The following SCN9A variants were observed in gnomAD, a reference collection of about 807,000 sequenced individuals.
The protein encoded by SCN9A is sodium channel protein type 9 subunit alpha.
SCN9A carries 131 observed loss-of-function variants against 187.0 expected under a neutral mutation model. The observed-to-expected ratio is 0.70, with a 90% CI of 0.61 to 0.81. SCN9A has a LOEUF of 0.81. Ranked by LOEUF, SCN9A falls within the 30% of genes least tolerant of loss-of-function variation. The pLI, the probability that SCN9A is intolerant of heterozygous loss-of-function variation, is 0.00. For missense variants in SCN9A, 2,252 were observed against 2,396.6 expected (o/e 0.94, Z 1.26); for synonymous variants, 809 against 808.6 (o/e 1.00, Z -0.01).
At chr2:166,351,140 A>G (rs531980410) in intron 1 of SCN9A, among the ~76,000 whole-genome samples, 1 of 152,282 alleles carries the variant, frequency 6.6e-6, no homozygotes, top group African/African-American at 2.4e-5. Flanking sequence ...CTTCCAAGGG[A>G]AGAATTTAAC....
At chr2:166,356,967 A>G (rs1249222566) in intron 1 of SCN9A, among the ~76,000 whole-genome samples, 1 of 151,782 alleles carries the variant, frequency 6.6e-6, no homozygotes, top group Non-Finnish European at 1.5e-5. Context: ...TCTTTTTGTA[A>G]CTTTTATTTT....
At chr2:166,321,130 G>C (rs978504307) in intron 1 of SCN9A, among the ~76,000 whole-genome samples, 2 of 152,094 alleles carry the variant, frequency 1.3e-5, no homozygotes, top group African/African-American at 4.8e-5. Flanking sequence ...TCAAAAAGTA[G>C]AAAAGTTTTT....
intron 1 of SCN9A, among the ~76,000 whole-genome samples, chr2:166,350,705 T>G (rs1700013746): frequency 6.6e-6 from 1 of 152,198 alleles, no homozygotes; most frequent in Admixed American, 6.5e-5. Context: ...ATTCCATGTT[T>G]GTAAACACAT....
chr2:166,252,439 A>G (rs1558984408), intron 17 of SCN9A, among the ~76,000 whole-genome samples: 1 of 151,946 alleles, frequency 6.6e-6, no homozygotes, highest in Non-Finnish European at 1.5e-5. Context: ...ATGTAGCAGG[A>G]TGATATAGAT....
Position 166,199,468 on chromosome 2 carries a change from C to G in SCN9A, c.5171G>C (p.Ser1724Thr), listed in dbSNP as rs200266625. The change falls in exon 27 of 27, where the codon AGT becomes ACT. Residue 1724 changes from serine to threonine, a missense_variant. Ser to Thr is a moderately conservative substitution (Grantham distance 58). This residue lies in a region of SCN9A where 345 missense variants were observed against 344.6 expected (regional missense o/e 1.00). Transcript: ENST00000642356. ...GTTACCACAGTCTCCTTCAACTGAACTTCCAGGATGAACTTTTTTTGGGTC... is the reference window on the plus strand; with the variant it reads ...GTTACCACAGTCTCCTTCAACTGAAGTTCCAGGATGAACTTTTTTTGGGTC... Reference protein sequence around the residue: ...DCDPKKVHPGSSVEGDCGNPS... With the variant: ...DCDPKKVHPGTSVEGDCGNPS... 3.1e-6 allele frequency: 5 copies of G among 1,614,068 alleles called. No individual in the cohort carries two copies. Among genetic ancestry groups the G allele is most frequent in the Non-Finnish European group, 4.2e-6 (5 of 1,180,042 alleles).
At chr2:166,204,775 G>C (rs1014177518) in intron 24 of SCN9A, 2 of 163,974 alleles carry the variant, frequency 1.2e-5, no homozygotes, top group African/African-American at 4.8e-5. Flanking sequence ...TCTGCTAGCT[G>C]TCTTACTGTG....
chr2:166,357,243 G>A (rs563015753), intron 1 of SCN9A, among the ~76,000 whole-genome samples: 3 of 152,172 alleles, frequency 2.0e-5, no homozygotes, highest in Admixed American at 6.5e-5. Flanking sequence ...TATTTTATTT[G>A]TAAGACAAAT....
intron 1 of SCN9A, among the ~76,000 whole-genome samples, chr2:166,325,003 G>T (rs1699329931): frequency 6.6e-6 from 1 of 152,146 alleles, no homozygotes; most frequent in South Asian, 2.1e-4. Context: ...TTTGTTAATT[G>T]TGACAAATGC....
chr2:166,200,880 C>T (rs2106340561), intron 26 of SCN9A, among the ~76,000 whole-genome samples: 1 of 152,298 alleles, frequency 6.6e-6, no homozygotes, highest in South Asian at 2.1e-4. Flanking sequence ...AGTGATTTCG[C>T]CCACCTCGGC....
intron 19 of SCN9A, 117 bp from the exon 20 acceptor site, chr2:166,238,384 G>A (rs1695415365): frequency 1.4e-6 from 1 of 691,056 alleles, no homozygotes; most frequent in South Asian, 2.2e-5. Context: ...ATATTGACAT[G>A]GGCCAGCTGA....
At chr2:166,212,237 G>C (rs907264450) in intron 24 of SCN9A, among the ~76,000 whole-genome samples, 1 of 152,096 alleles carries the variant, frequency 6.6e-6, no homozygotes, top group African/African-American at 2.4e-5. Context: ...AAAAAAATTT[G>C]ACCCTCTGTA....
chr2:166,319,541 T>C (rs917872967), intron 1 of SCN9A, among the ~76,000 whole-genome samples: 4 of 152,100 alleles, frequency 2.6e-5, no homozygotes, highest in African/African-American at 9.7e-5. Context: ...TTGAGTTTGA[T>C]GTGTTCTTCA....
chr2:166,237,398 T>C (rs1238245205), intron 20 of SCN9A, among the ~76,000 whole-genome samples: 1 of 152,104 alleles, frequency 6.6e-6, no homozygotes, highest in Non-Finnish European at 1.5e-5. Flanking sequence ...ATCATCCAAG[T>C]ATTCAACAGT....
chr2:166,199,962 T>TGAATTCAAG (rs1693408464), intron 26 of SCN9A, 98 bp from the exon 27 acceptor site: 1 of 436,688 alleles, frequency 2.3e-6, no homozygotes, highest in African/African-American at 2.2e-5. Context: ...TCATTTCTTA[T>TGAATTCAAG]GAATTCAAGA....
At chr2:166,364,484 T>C (rs745338187) in intron 1 of SCN9A, among the ~76,000 whole-genome samples, 7 of 152,072 alleles carry the variant, frequency 4.6e-5, no homozygotes, top group Non-Finnish European at 8.8e-5. Flanking sequence ...CACAATAAAA[T>C]ACTACACAGC....
intron 1 of SCN9A, among the ~76,000 whole-genome samples, chr2:166,364,611 A>C (rs1700369661): frequency 6.6e-6 from 1 of 152,184 alleles, no homozygotes. Context: ...TTCCACTTAC[A>C]TGAGGTACCT....
Position 166,233,379 on chromosome 2 carries a change from T to TAGA in SCN9A, c.3884_3885insTCT (p.Ala1294_Leu1295insPhe), listed in dbSNP as rs1413128985. On this transcript the variant is annotated inframe_insertion, in exon 21 of 27. Transcript: ENST00000642356. ...ATCTAGATAAGGCTCTTAGAGGTCT[T>TAGA]AAAGCTCTCAGTGTCCGAAGGGATT... The TAGA allele has an allele frequency of 6.3e-7, 1 of 1,576,338 alleles. No individual in the cohort carries two copies. The highest frequency in any genetic ancestry group is 1.2e-5 in the South Asian group (1 of 82,590).
At chr2:166,268,990 C>T (rs938433215) in intron 17 of SCN9A, among the ~76,000 whole-genome samples, 81 of 151,984 alleles carry the variant, frequency 5.3e-4, no homozygotes, top group African/African-American at 1.8e-3. Context: ...CTTAAAAATA[C>T]TAGCTTGTGT....
chr2:166,252,543 T>C (rs1325195906), intron 17 of SCN9A, among the ~76,000 whole-genome samples: 1 of 151,772 alleles, frequency 6.6e-6, no homozygotes, highest in Admixed American at 6.6e-5. Context: ...TATATAACAT[T>C]TTAGTATATA....
Sources: allele counts gnomAD v4.1 joint callset (sites outside exome capture counted in the v4.1 genomes callset), GRCh38; gene constraint gnomAD v4.1.1; regional missense constraint gnomAD v4.1.1; transcripts MANE v1.5; gene names NCBI Gene and HGNC (gene_info 2026-07-23, HGNC 2026-07-21).